SYN3: variants seen among roughly 807,000 people sequenced by gnomAD.
SYN3 encodes the protein synapsin-3.
A neutral mutation model predicts 65.8 loss-of-function variants in SYN3; 35 were observed. That is an observed-to-expected ratio of 0.53 (90% CI 0.41 to 0.70). SYN3 has a LOEUF of 0.70. Among genes scored for constraint, SYN3 ranks in the 30% least tolerant of loss-of-function variants. The pLI, the probability that SYN3 is intolerant of heterozygous loss-of-function variation, is 0.00. For synonymous variants in SYN3, 270 were observed against 292.9 expected (o/e 0.92, Z 0.80); for missense variants, 680 against 749.0 (o/e 0.91, Z 1.08).
Position 33,006,708 on chromosome 22 carries a change from A to C in SYN3, c.-46T>G. On this transcript the variant is annotated 5_prime_UTR_variant, in exon 2 of 14. Transcript: ENST00000358763. ...GACTGGCTCCTACCCAGACGTGTGT[A>C]GGTGAGGCCCAGAAGACAGGCTGCT... 6.6e-7 allele frequency: 1 copy of C among 1,522,136 alleles called. No individual in the cohort carries two copies. 94.3% of individuals were successfully genotyped at this position (1,522,136 alleles called of 1,614,324 possible).
At chr22:32,619,916 A>C (rs1433892928) in intron 6 of SYN3, among the ~76,000 whole-genome samples, 3 of 152,248 alleles carry the variant, frequency 2.0e-5, no homozygotes, top group African/African-American at 7.2e-5. Flanking sequence ...CTCATCTCAG[A>C]TGAGAACAGC....
At chr22:32,583,022 A>T (rs527652739) in intron 7 of SYN3, among the ~76,000 whole-genome samples, 4 of 152,280 alleles carry the variant, frequency 2.6e-5, no homozygotes, top group Admixed American at 2.0e-4. Flanking sequence ...TCACCCCTGG[A>T]GGACAGAGCT....
chr22:32,592,473 G>A (rs1030818220), intron 7 of SYN3, among the ~76,000 whole-genome samples: 1 of 152,148 alleles, frequency 6.6e-6, no homozygotes. Flanking sequence ...TTCTCATGAT[G>A]TCCACTATTT....
At chr22:32,813,534 CACGT>C (rs1363472050) in intron 6 of SYN3, among the ~76,000 whole-genome samples, 68 of 141,580 alleles carry the variant, frequency 4.8e-4, no homozygotes, top group Non-Finnish European at 9.5e-4. Context: ...CACACACACA[CACGT>C]GGACCAAACA....
chr22:32,788,878 C>T (rs2046256013), intron 6 of SYN3, among the ~76,000 whole-genome samples: 2 of 152,190 alleles, frequency 1.3e-5, no homozygotes, highest in South Asian at 4.1e-4. Context: ...AGGCATGCAT[C>T]TTGGTGCACC....
rs374458230 is a variant in SYN3, at chr22:32,675,497, C to G, written c.712-78761G>C. Among the ~76,000 whole-genome samples, 17 of 152,234 alleles carry G rather than the reference C, an allele frequency of 1.1e-4. 1 individual carries two copies. The highest frequency in any genetic ancestry group is 3.4e-3 in the Middle Eastern group (1 of 294). On this transcript the variant is annotated intron_variant, in intron 6 of 13. Transcript: ENST00000358763. ...GATTCTGGAGACACTGGGAGAACAG[C>G]TGGCATCTGGTGTGCTGGGCTGATG...
intron 4 of SYN3, among the ~76,000 whole-genome samples, chr22:32,917,974 T>C (rs1409652798): frequency 7.2e-6 from 1 of 139,346 alleles, no homozygotes; most frequent in Admixed American, 7.2e-5. Flanking sequence ...CCTCCAAGGC[T>C]GCTCTGCTGG....
rs571968509 is a variant in SYN3 at position 32,520,762 on chromosome 22, A to G, written c.1319-2428T>C. On this transcript the variant is annotated intron_variant, in intron 12 of 13. Coordinates refer to ENST00000358763, the MANE Select transcript of SYN3 (RefSeq NM_003490.4). Reference sequence around the variant, plus strand: ...TTTCAGAGGACATGCCACCTGTATAACCTCCATGACCTGTGGAGTCTGGTG... The same window carrying G: ...TTTCAGAGGACATGCCACCTGTATAGCCTCCATGACCTGTGGAGTCTGGTG... Among the ~76,000 whole-genome samples, 148 of 152,142 alleles carry G rather than the reference A, an allele frequency of 9.7e-4. 1 individual carries two copies. The highest frequency in any genetic ancestry group is 1.8e-3 in the Non-Finnish European group (120 of 67,996).
At chr22:32,611,177 C>T (rs573326510) in intron 6 of SYN3, among the ~76,000 whole-genome samples, 42 of 151,872 alleles carry the variant, frequency 2.8e-4, no homozygotes, top group Middle Eastern at 3.4e-3. Context: ...AGTGAACCAA[C>T]ACTAGCTTGC....
At chr22:32,927,777 A>G (rs2050514592) in intron 4 of SYN3, among the ~76,000 whole-genome samples, 1 of 152,196 alleles carries the variant, frequency 6.6e-6, no homozygotes, top group South Asian at 2.1e-4. Flanking sequence ...TTTTGCCTAA[A>G]GTACATACAT....
chr22:32,869,254 T>TGGGGGATGA (rs1307638511), intron 4 of SYN3, 129 bp from the exon 5 acceptor site: 1 of 947,516 alleles, frequency 1.1e-6, no homozygotes, highest in Non-Finnish European at 1.6e-6. Context: ...TGGGAGCAGG[T>TGGGGGATGA]GGGGGATGAG....
chr22:32,698,013 G>A (rs1046901438), intron 6 of SYN3, among the ~76,000 whole-genome samples: 2 of 152,132 alleles, frequency 1.3e-5, no homozygotes, highest in African/African-American at 4.8e-5. Context: ...CCCCAGCTAC[G>A]TGAACAAGAC....
At chr22:32,739,184 C>T (rs1023076756) in intron 6 of SYN3, among the ~76,000 whole-genome samples, 6 of 141,948 alleles carry the variant, frequency 4.2e-5, no homozygotes, top group Non-Finnish European at 3.1e-5. Flanking sequence ...AGGGGGGGGG[C>T]GGTTTCCCCC....
chr22:32,566,849 C>T lies in SYN3; in HGVS notation c.775-25136G>A, dbSNP rs112758133. 8.5e-3 allele frequency among the ~76,000 whole-genome samples: 1,298 copies of T among 152,098 alleles called. 21 individuals carry two copies. Among genetic ancestry groups the T allele is most frequent in the African/African-American group, 0.031 (1,265 of 41,458 alleles). On this transcript the variant is annotated intron_variant, in intron 7 of 13. Transcript: ENST00000358763. Reference sequence around the variant, plus strand: ...ATGCCCTTCAGAAAGCAACATTGAGCGCCAGGAGTGAGAAGAAACGGACAG... The same window carrying T: ...ATGCCCTTCAGAAAGCAACATTGAGTGCCAGGAGTGAGAAGAAACGGACAG...
intron 6 of SYN3, among the ~76,000 whole-genome samples, chr22:32,649,218 A>T (rs572997756): frequency 2.0e-5 from 3 of 152,260 alleles, no homozygotes; most frequent in African/African-American, 7.2e-5. Flanking sequence ...TTTGGGTATG[A>T]CCCTCTTGTA....
intron 1 of SYN3, chr22:33,015,287 T>A: frequency 1.6e-6 from 1 of 608,766 alleles, no homozygotes; most frequent in Non-Finnish European, 2.6e-6. Flanking sequence ...CAGACTATTT[T>A]AAACGGCGTT....
At chr22:32,788,170 C>T (rs773382190) in intron 6 of SYN3, among the ~76,000 whole-genome samples, 3 of 151,858 alleles carry the variant, frequency 2.0e-5, no homozygotes, top group Non-Finnish European at 2.9e-5. Context: ...GATTCCACAT[C>T]GGGATTCAAC....
chr22:32,732,922 G>GA (rs1436845314), intron 6 of SYN3, among the ~76,000 whole-genome samples: 3 of 151,982 alleles, frequency 2.0e-5, no homozygotes, highest in Admixed American at 6.6e-5. Flanking sequence ...TTATCCTTTG[G>GA]AAAAAATCAA....
chr22:33,029,321 C>T (rs2053707875), intron 1 of SYN3, among the ~76,000 whole-genome samples: 1 of 152,002 alleles, frequency 6.6e-6, no homozygotes, highest in African/African-American at 2.4e-5. Flanking sequence ...ACTACAAGTA[C>T]AGGCCACCAC....
Sources: gnomAD v4.1 joint callset for allele counts (sites outside exome capture counted in the v4.1 genomes callset) on GRCh38, gnomAD v4.1.1 for gene constraint, MANE v1.5 for transcripts, NCBI Gene and HGNC (gene_info 2026-07-23, HGNC 2026-07-21) for gene names.